The following TAF4 variants were observed in gnomAD, a reference collection of about 807,000 sequenced individuals.
TAF4 encodes the protein TATA-box binding protein associated factor 4, also known as transcription initiation factor TFIID subunit 4.
In TAF4, 9 loss-of-function variants were observed where a neutral mutation model predicts 90.3. The ratio of observed to expected loss-of-function variants is 0.10; its 90% CI spans 0.06 to 0.17. The LOEUF (loss-of-function observed/expected upper bound fraction) is 0.17, where lower values mean the gene tolerates loss of function less well. TAF4 is among the 10% of genes least tolerant of loss of function. The pLI, the probability that TAF4 is intolerant of heterozygous loss-of-function variation, is 1.00. For synonymous variants in TAF4, 818 were observed against 638.9 expected, an observed-to-expected ratio of 1.28 and a Z score of -4.23; for missense variants, 1,351 against 1,370.7, an observed-to-expected ratio of 0.99 and a Z score of 0.23.
intron 4 of TAF4, among the ~76,000 whole-genome samples, chr20:62,009,449 G>A (rs537138070): frequency 6.6e-6 from 1 of 152,222 alleles, no homozygotes; most frequent in Admixed American, 6.5e-5. Context: ...AAGAGACTCT[G>A]CGAAGATGCC....
chr20:62,014,853 C>T, intron 1 of TAF4, 146 bp from the exon 2 acceptor site: 1 of 1,123,354 alleles, frequency 8.9e-7, no homozygotes, highest in Non-Finnish European at 1.2e-6. Context: ...AAACTCAAAA[C>T]ACACTTGTGA....
intron 9 of TAF4, among the ~76,000 whole-genome samples, chr20:62,002,611 C>T (rs2055713828): frequency 6.6e-6 from 1 of 152,230 alleles, no homozygotes; most frequent in African/African-American, 2.4e-5. Context: ...CTGCCTCAGC[C>T]TCCCAAGTAG....
At chr20:62,018,113 T>C (rs780877749) in intron 1 of TAF4, among the ~76,000 whole-genome samples, 4 of 152,196 alleles carry the variant, frequency 2.6e-5, no homozygotes, top group African/African-American at 9.7e-5. Context: ...TCTCGAGGCA[T>C]TGAAAATATC....
chr20:62,060,921 G>C (rs891453124), intron 1 of TAF4, among the ~76,000 whole-genome samples: 1 of 152,186 alleles, frequency 6.6e-6, no homozygotes, highest in Non-Finnish European at 1.5e-5. Context: ...AAAAATGAGG[G>C]GAACTGGGAG....
intron 14 of TAF4, among the ~76,000 whole-genome samples, chr20:61,987,926 C>T (rs899064335): frequency 7.9e-5 from 12 of 152,204 alleles, no homozygotes; most frequent in Non-Finnish European, 1.6e-4. Flanking sequence ...TGAAAAAACA[C>T]GGAGGAACCT....
intron 12 of TAF4, 129 bp from the exon 13 acceptor site, chr20:61,998,321 A>C (rs2055676309): frequency 1.1e-6 from 1 of 938,922 alleles, no homozygotes; most frequent in African/African-American, 1.7e-5. Flanking sequence ...CAAATTTGTG[A>C]AATGCTTATA....
At chr20:62,042,491 T>C (rs931201710) in intron 1 of TAF4, among the ~76,000 whole-genome samples, 4 of 152,208 alleles carry the variant, frequency 2.6e-5, no homozygotes, top group African/African-American at 9.6e-5. Flanking sequence ...GGTTAACACT[T>C]AGCCATCTGA....
intron 14 of TAF4, among the ~76,000 whole-genome samples, chr20:61,982,945 C>T (rs930377651): frequency 1.1e-4 from 17 of 152,184 alleles, no homozygotes; most frequent in African/African-American, 3.6e-4. Flanking sequence ...CCAGCCAAGC[C>T]GCCTCCGGTC....
At chr20:62,020,384 C>A (rs534975802) in intron 1 of TAF4, among the ~76,000 whole-genome samples, 2 of 152,388 alleles carry the variant, frequency 1.3e-5, no homozygotes, top group Admixed American at 1.3e-4. Context: ...AGGCGCTGAA[C>A]AGTCGCCCCT....
chr20:62,064,113 A>G (rs1048147452), intron 1 of TAF4, among the ~76,000 whole-genome samples: 2 of 152,228 alleles, frequency 1.3e-5, no homozygotes, highest in African/African-American at 4.8e-5. Flanking sequence ...TGAGCCTACC[A>G]ACCCGGGCAG....
At chr20:62,038,316 C>T (rs2055945282) in intron 1 of TAF4, among the ~76,000 whole-genome samples, 2 of 151,284 alleles carry the variant, frequency 1.3e-5, no homozygotes, top group African/African-American at 4.9e-5. Context: ...CGTGTGCCAC[C>T]ATGCCCAGCT....
intron 9 of TAF4, 43 bp downstream of exon 9, chr20:62,003,117 G>A (rs765424460): frequency 1.3e-5 from 20 of 1,552,336 alleles, no homozygotes; most frequent in East Asian, 2.2e-5. Context: ...ACTCTTCTCC[G>A]CTCTGGCCAC....
chr20:62,031,542 T>C (rs1341676848), intron 1 of TAF4, among the ~76,000 whole-genome samples: 1 of 152,168 alleles, frequency 6.6e-6, no homozygotes, highest in African/African-American at 2.4e-5. Flanking sequence ...ACTTTGGGCA[T>C]TCCCTTTGCC....
At chr20:62,003,642 A>G (rs1270391927) in intron 8 of TAF4, 89 bp downstream of exon 8, 7 of 1,427,010 alleles carry the variant, frequency 4.9e-6, no homozygotes, top group Non-Finnish European at 5.5e-6. Flanking sequence ...GTAAATGTAC[A>G]TTTTACCCAA....
At chr20:62,019,166 G>C (rs1057026311) in intron 1 of TAF4, among the ~76,000 whole-genome samples, 9 of 152,224 alleles carry the variant, frequency 5.9e-5, no homozygotes, top group African/African-American at 2.2e-4. Flanking sequence ...GTTCTTCACA[G>C]AAAGTTTAAT....
At chr20:62,035,362 CAGAT>C (rs1423934832) in intron 1 of TAF4, among the ~76,000 whole-genome samples, 2 of 152,158 alleles carry the variant, frequency 1.3e-5, no homozygotes, top group Non-Finnish European at 1.5e-5. Flanking sequence ...AAAGGACAGA[CAGAT>C]AAACCAAGAG....
chr20:61,994,806 G>A lies in TAF4; in HGVS notation c.3090+2744C>T, dbSNP rs367921021. 2.7e-3 allele frequency among the ~76,000 whole-genome samples: 411 copies of A among 152,306 alleles called. 2 individuals carry two copies. The highest frequency in any genetic ancestry group is 9.1e-3 in the African/African-American group (378 of 41,560). On this transcript the variant is annotated intron_variant, in intron 14 of 14. Transcript: ENST00000252996. ...ATGTGCATCAGACAGCAGCTGCCAC[G>A]GGGCTGAGAGCGAAACAGAGAAGTC... is the stretch of plus-strand genomic sequence containing the variant.
At position 62,016,450 on chromosome 20, in the gene TAF4, T is replaced by G. The variant is rs370768543; in HGVS notation, c.1361-1743A>C. Among the ~76,000 whole-genome samples, 5 of 152,348 alleles carry G rather than the reference T, an allele frequency of 3.3e-5. 1 individual carries two copies. The highest frequency in any genetic ancestry group is 1.2e-4 in the African/African-American group (5 of 41,586). On this transcript the variant is annotated intron_variant, in intron 1 of 14. Transcript: ENST00000252996. ...GCAGAGGAACGTGGAAGGACTGGAC[T>G]GGCTGAGTCCTCCGGCCTCCATCTT... is the stretch of plus-strand genomic sequence containing the variant.
In TAF4 at chr20:61,997,654, G is replaced by A; in HGVS notation, c.2986C>T (p.Leu996=). The change falls in exon 14 of 15, where the codon CTG becomes TTG. Residue 996 remains leucine (L), a synonymous_variant. Coordinates refer to ENST00000252996, the MANE Select transcript of TAF4 (RefSeq NM_003185.4). ...GCGTCCCGCTGTCTCATTTGTGCCA[G>A]TTCCTGTTGCTGCATCTTTTATTTT... ...QKAKEMQQQE[L]AQMRQRDANL... 2 of 1,611,094 alleles carry A rather than the reference G, an allele frequency of 1.2e-6. No homozygotes were observed. The highest frequency in any genetic ancestry group is 8.5e-7 in the Non-Finnish European group (1 of 1,179,194).
Sources: gnomAD v4.1 joint callset for allele counts (sites outside exome capture counted in the v4.1 genomes callset) on GRCh38, gnomAD v4.1.1 for gene constraint, MANE v1.5 for transcripts, NCBI Gene and HGNC (gene_info 2026-07-23, HGNC 2026-07-21) for gene names.